The following SCHIP1 variants were observed in gnomAD, a reference collection of about 807,000 sequenced individuals.
SCHIP1 encodes schwannomin interacting protein 1.
A neutral mutation model predicts 29.7 loss-of-function variants in SCHIP1; 8 were observed. That is an observed-to-expected ratio of 0.27 (90% CI 0.16 to 0.49). The LOEUF is 0.49. SCHIP1 is among the 20% of genes least tolerant of loss of function. The pLI is 0.99. For synonymous variants in SCHIP1, 76 were observed against 94.9 expected (o/e 0.80, Z 1.16); for missense variants, 193 against 294.6 (o/e 0.66, Z 2.52).
chr3:159,593,603 C>T, the SCHIP1 span, among the ~76,000 whole-genome samples: 1 of 152,160 alleles, frequency 6.6e-6, no homozygotes, highest in Non-Finnish European at 1.5e-5. Context: ...AGGCTGCCCT[C>T]TAAAGATCAG....
chr3:159,626,131 TAG>T, the SCHIP1 span, among the ~76,000 whole-genome samples: 5 of 120,216 alleles, frequency 4.2e-5, no homozygotes, highest in African/African-American at 1.7e-4. Flanking sequence ...GATAGATAGA[TAG>T]ATAGATATAT....
At chr3:159,648,613 A>G in the SCHIP1 span, among the ~76,000 whole-genome samples, 1 of 152,044 alleles carries the variant, frequency 6.6e-6, no homozygotes, top group African/African-American at 2.4e-5. Flanking sequence ...TATGCTGGAT[A>G]ATCTCCATTT....
chr3:159,307,958 C>T, the SCHIP1 span, among the ~76,000 whole-genome samples: 1 of 152,060 alleles, frequency 6.6e-6, no homozygotes, highest in African/African-American at 2.4e-5. Flanking sequence ...CAGTACCAAG[C>T]TGTTTTGGTT....
chr3:159,384,967 T>C, the SCHIP1 span, among the ~76,000 whole-genome samples: 1 of 152,178 alleles, frequency 6.6e-6, no homozygotes, highest in Non-Finnish European at 1.5e-5. Context: ...ATCCCCTTTA[T>C]CATTTTTTAT....
At chr3:159,706,896 A>G in the SCHIP1 span, among the ~76,000 whole-genome samples, 1 of 152,196 alleles carries the variant, frequency 6.6e-6, no homozygotes, top group Admixed American at 6.5e-5. Flanking sequence ...CAAAGGATTC[A>G]TTTTATCAGT....
At chr3:159,431,236 C>T in the SCHIP1 span, among the ~76,000 whole-genome samples, 1 of 151,824 alleles carries the variant, frequency 6.6e-6, no homozygotes, top group Non-Finnish European at 1.5e-5. Flanking sequence ...CCTTAAAGGT[C>T]GAGGGAGAAT....
the SCHIP1 span, among the ~76,000 whole-genome samples, chr3:159,491,875 A>G: frequency 2.2e-4 from 33 of 152,332 alleles, 1 homozygote; most frequent in African/African-American, 7.7e-4. Context: ...GACACCTCAC[A>G]CGGCCAGGTA....
At chr3:159,729,683 C>T in the SCHIP1 span, among the ~76,000 whole-genome samples, 8 of 152,132 alleles carry the variant, frequency 5.3e-5, no homozygotes, top group African/African-American at 1.9e-4. Context: ...ATGGCATTCC[C>T]TGTGTTTAGA....
the SCHIP1 span, among the ~76,000 whole-genome samples, chr3:159,566,133 A>T: frequency 2.0e-5 from 3 of 152,202 alleles, no homozygotes; most frequent in African/African-American, 7.2e-5. Flanking sequence ...TGTAGAATTT[A>T]TACAAGTCAG....
chr3:159,724,279 C>A, the SCHIP1 span, among the ~76,000 whole-genome samples: 3 of 152,010 alleles, frequency 2.0e-5, no homozygotes, highest in Non-Finnish European at 4.4e-5. Context: ...AGATTTTAAT[C>A]CTGATCAGGA....
At chr3:159,863,861 T>A (rs1714327006) in intron 1 of SCHIP1, among the ~76,000 whole-genome samples, 1 of 152,214 alleles carries the variant, frequency 6.6e-6, no homozygotes, top group Non-Finnish European at 1.5e-5. Flanking sequence ...CCAATATCTG[T>A]AGCTCTAGTT....
At chr3:159,538,683 C>G in the SCHIP1 span, among the ~76,000 whole-genome samples, 1 of 152,094 alleles carries the variant, frequency 6.6e-6, no homozygotes, top group African/African-American at 2.4e-5. Context: ...TTTTGTTTGC[C>G]TGTACCTGCG....
the SCHIP1 span, among the ~76,000 whole-genome samples, chr3:159,635,955 G>T: frequency 6.6e-6 from 1 of 152,122 alleles, no homozygotes; most frequent in Non-Finnish European, 1.5e-5. Context: ...GGCAGGTGTG[G>T]AATGCAATGG....
the SCHIP1 span, among the ~76,000 whole-genome samples, chr3:159,604,956 C>T: frequency 2.1e-4 from 32 of 152,274 alleles, no homozygotes; most frequent in African/African-American, 7.7e-4. Flanking sequence ...TACTAATTGA[C>T]CCAGGAAATT....
chr3:159,322,719 G>T, the SCHIP1 span, among the ~76,000 whole-genome samples: 1 of 152,194 alleles, frequency 6.6e-6, no homozygotes, highest in Non-Finnish European at 1.5e-5. Context: ...ACCTGGCTCA[G>T]GGCAGGAATC....
the SCHIP1 span, among the ~76,000 whole-genome samples, chr3:159,307,407 G>C: frequency 6.6e-6 from 1 of 152,180 alleles, no homozygotes; most frequent in Non-Finnish European, 1.5e-5. Context: ...GACAGTGCCT[G>C]GGACAGCATC....
chr3:159,410,739 A>G, the SCHIP1 span, among the ~76,000 whole-genome samples: 1 of 152,150 alleles, frequency 6.6e-6, no homozygotes, highest in Middle Eastern at 3.2e-3. Context: ...AATTAAAAAT[A>G]GAGCTACCAT....
At chr3:159,595,733 G>A in the SCHIP1 span, among the ~76,000 whole-genome samples, 4 of 152,302 alleles carry the variant, frequency 2.6e-5, no homozygotes, top group South Asian at 8.3e-4. Context: ...ATATTTATGA[G>A]TACTTTTGTA....
chr3:159,406,891 G>C, the SCHIP1 span, among the ~76,000 whole-genome samples: 1 of 151,950 alleles, frequency 6.6e-6, no homozygotes, highest in Admixed American at 6.6e-5. Flanking sequence ...GCATACAGCA[G>C]ATACACAAGA....
Sources: gnomAD v4.1 joint callset for allele counts (sites outside exome capture counted in the v4.1 genomes callset) on GRCh38, gnomAD v4.1.1 for gene constraint, MANE v1.5 for transcripts, NCBI Gene and HGNC (gene_info 2026-07-23, HGNC 2026-07-21) for gene names.